Variants in KCNIP4 observed in about 807,000 individuals in gnomAD.
KCNIP4 encodes potassium voltage-gated channel interacting protein 4, also known as Kv channel-interacting protein 4.
A neutral mutation model predicts 34.0 loss-of-function variants in KCNIP4; 12 were observed. The observed-to-expected ratio is 0.35, with a 90% CI of 0.23 to 0.57. The LOEUF (loss-of-function observed/expected upper bound fraction) is 0.57. Among genes scored for constraint, KCNIP4 ranks in the 20% least tolerant of loss-of-function variants. The pLI is 0.83. For missense variants in KCNIP4, 238 were observed against 311.7 expected, an observed-to-expected ratio of 0.76 and a Z score of 1.78; for synonymous variants, 124 against 102.2, an observed-to-expected ratio of 1.21 and a Z score of -1.29.
chr4:21,870,849 G>A (rs752769604), intron 1 of KCNIP4, among the ~76,000 whole-genome samples: 1 of 152,088 alleles, frequency 6.6e-6, no homozygotes, highest in Non-Finnish European at 1.5e-5. Context: ...TTTCAAATTT[G>A]TTGTCAGGAT....
intron 1 of KCNIP4, among the ~76,000 whole-genome samples, chr4:21,743,205 GTC>G (rs1302406557): frequency 6.6e-6 from 1 of 152,094 alleles, no homozygotes; most frequent in Non-Finnish European, 1.5e-5. Context: ...TACAAAATCG[GTC>G]TAATTGGGAT....
chr4:21,375,585 G>A (rs201151033), intron 1 of KCNIP4, among the ~76,000 whole-genome samples: 1 of 102,100 alleles, frequency 9.8e-6, no homozygotes, highest in Admixed American at 1.0e-4. Flanking sequence ...TTTTTTTTTT[G>A]AGACAGAGTC....
intron 1 of KCNIP4, among the ~76,000 whole-genome samples, chr4:21,352,811 C>A (rs1200458392): frequency 6.6e-5 from 10 of 152,198 alleles, no homozygotes; most frequent in Non-Finnish European, 1.0e-4. Flanking sequence ...TGAGAACAGA[C>A]TGCCTCCTTA....
chr4:21,653,403 C>T (rs905865091), intron 1 of KCNIP4, among the ~76,000 whole-genome samples: 20 of 152,168 alleles, frequency 1.3e-4, no homozygotes, highest in African/African-American at 4.8e-4. Flanking sequence ...GTACCCAGGA[C>T]AGGAGTTGGA....
intron 1 of KCNIP4, among the ~76,000 whole-genome samples, chr4:20,928,920 A>G (rs1286367024): frequency 6.6e-6 from 1 of 152,022 alleles, no homozygotes; most frequent in Non-Finnish European, 1.5e-5. Flanking sequence ...AACAAAGAAA[A>G]GCCCAGGACG....
chr4:20,740,997 G>A (rs1750939952), intron 5 of KCNIP4, among the ~76,000 whole-genome samples: 1 of 152,074 alleles, frequency 6.6e-6, no homozygotes, highest in South Asian at 2.1e-4. Context: ...AATGGTAAAG[G>A]GATCAATTCA....
chr4:21,368,357 T>A (rs1483528493), intron 1 of KCNIP4, among the ~76,000 whole-genome samples: 2 of 147,322 alleles, frequency 1.4e-5, no homozygotes, highest in Non-Finnish European at 2.9e-5. Flanking sequence ...TAAGACCATT[T>A]GTGATTTAGA....
At chr4:21,394,700 A>G (rs190118749) in intron 1 of KCNIP4, among the ~76,000 whole-genome samples, 30 of 152,268 alleles carry the variant, frequency 2.0e-4, no homozygotes, top group African/African-American at 6.3e-4. Context: ...ACTGAGTTCT[A>G]GTTCTGTTCT....
At chr4:21,452,897 T>C (rs358576) in intron 1 of KCNIP4, among the ~76,000 whole-genome samples, 110,449 of 151,870 alleles carry the variant, frequency 0.73, 40,778 homozygotes, top group African/African-American at 0.84. Flanking sequence ...AGGGAATGCA[T>C]TCTTTTGTTC....
At chr4:21,003,315 A>ACAAAT (rs1157174321) in intron 1 of KCNIP4, among the ~76,000 whole-genome samples, 1 of 152,196 alleles carries the variant, frequency 6.6e-6, no homozygotes, top group Non-Finnish European at 1.5e-5. Flanking sequence ...ACAAAACAAA[A>ACAAAT]CAACACAATC....
chr4:21,440,578 G>A (rs533678678), intron 1 of KCNIP4, among the ~76,000 whole-genome samples: 165 of 152,272 alleles, frequency 1.1e-3, no homozygotes, highest in Admixed American at 4.6e-3. Flanking sequence ...TGTTGACACT[G>A]CTAGGAAAAA....
At chr4:21,671,308 T>C (rs147225392) in intron 1 of KCNIP4, among the ~76,000 whole-genome samples, 2,200 of 152,264 alleles carry the variant, frequency 0.014, 47 homozygotes, top group African/African-American at 0.049. Flanking sequence ...TTAAAAACTA[T>C]TGGAGGGATC....
chr4:20,984,073 CG>C, intron 1 of KCNIP4: 1 of 1,321,296 alleles, frequency 7.6e-7, no homozygotes, highest in Non-Finnish European at 1.0e-6. Context: ...GCAAAGCCGG[CG>C]GCCCCCCGGG....
At chr4:21,674,572 C>T (rs1391309093) in intron 1 of KCNIP4, among the ~76,000 whole-genome samples, 1 of 152,140 alleles carries the variant, frequency 6.6e-6, no homozygotes, top group East Asian at 1.9e-4. Flanking sequence ...TTAGCTCTTC[C>T]CAACTGTAAC....
At chr4:21,885,363 T>C (rs1726704650) in intron 1 of KCNIP4, among the ~76,000 whole-genome samples, 1 of 152,258 alleles carries the variant, frequency 6.6e-6, no homozygotes, top group East Asian at 1.9e-4. Flanking sequence ...AAAATACAGA[T>C]GCCATATTTA....
At chr4:21,466,426 G>A (rs1729946406) in intron 1 of KCNIP4, among the ~76,000 whole-genome samples, 2 of 152,108 alleles carry the variant, frequency 1.3e-5, no homozygotes, top group South Asian at 4.1e-4. Flanking sequence ...CCCAAAATGA[G>A]CTGTTATAAT....
intron 1 of KCNIP4, chr4:21,544,452 T>A (rs1737972087): frequency 6.6e-6 from 1 of 152,220 alleles, no homozygotes; most frequent in Admixed American, 6.5e-5. Flanking sequence ...TCTCACAGGC[T>A]GAAATCCAAG....
intron 1 of KCNIP4, among the ~76,000 whole-genome samples, chr4:21,724,401 T>C (rs886978812): frequency 1.3e-5 from 2 of 152,108 alleles, no homozygotes; most frequent in Non-Finnish European, 2.9e-5. Context: ...ACAAGTGAGA[T>C]ATTTGGCATG....
At chr4:21,693,866 C>T (rs1443354927) in intron 1 of KCNIP4, among the ~76,000 whole-genome samples, 4 of 152,108 alleles carry the variant, frequency 2.6e-5, no homozygotes, top group African/African-American at 9.7e-5. Flanking sequence ...GCTTTTGCTT[C>T]CCTTAGGTGG....
Sources: gnomAD v4.1 joint callset for allele counts (sites outside exome capture counted in the v4.1 genomes callset) on GRCh38, gnomAD v4.1.1 for gene constraint, MANE v1.5 for transcripts, NCBI Gene and HGNC (gene_info 2026-07-23, HGNC 2026-07-21) for gene names.